Variants in EDA observed in about 807,000 individuals in gnomAD.
EDA encodes ectodysplasin-A.
EDA carries 2 observed loss-of-function variants against 23.6 expected under a neutral mutation model. That is an observed-to-expected ratio of 0.08 (90% CI 0.03 to 0.27). The LOEUF is 0.27. Among genes scored for constraint, EDA ranks in the 10% least tolerant of loss-of-function variants. The pLI is 1.00. For missense variants in EDA, 229 were observed against 324.2 expected (o/e 0.71, Z 2.26); for synonymous variants, 131 against 132.0 (o/e 0.99, Z 0.05).
chrX:69,841,512 CTTTCTTT>C (rs2016894424), intron 1 of EDA, among the ~76,000 whole-genome samples: 1 of 111,397 alleles, frequency 9.0e-6, no homozygotes, highest in Non-Finnish European at 1.9e-5. Context: ...CTATTTCTTT[CTTTCTTT>C]TTTCTTTTTT....
At chrX:69,825,194 A>G in intron 1 of EDA, among the ~76,000 whole-genome samples, 1 of 100,274 alleles carries the variant, frequency 1.0e-5, no homozygotes. Context: ...CTTTGGTATC[A>G]GGATGATGCT....
intron 2 of EDA, among the ~76,000 whole-genome samples, chrX:70,019,798 G>A (rs1023270576): frequency 7.2e-5 from 8 of 111,257 alleles, no homozygotes; most frequent in Admixed American, 1.9e-4. Flanking sequence ...TGGGTACTAC[G>A]TTTATTACCT....
intron 2 of EDA, among the ~76,000 whole-genome samples, chrX:70,003,224 C>A (rs2019762043): frequency 9.0e-6 from 1 of 111,207 alleles, no homozygotes; most frequent in Non-Finnish European, 1.9e-5. Context: ...TATCTCTGGA[C>A]AACTACTCCG....
At chrX:70,023,151 A>G (rs2020059463) in intron 2 of EDA, 67 bp from the exon 3 acceptor site, 5 of 766,147 alleles carry the variant, frequency 6.5e-6, no homozygotes, top group African/African-American at 6.3e-5. Context: ...CCTAGTGACT[A>G]TCTTAGAAAA....
chrX:70,022,220 A>G (rs768783561), intron 2 of EDA, among the ~76,000 whole-genome samples: 1 of 111,990 alleles, frequency 8.9e-6, no homozygotes, highest in Non-Finnish European at 1.9e-5. Flanking sequence ...GGGTTTTCTA[A>G]GTACCTTCAA....
chrX:69,999,195 C>T (rs1218935933), intron 2 of EDA, among the ~76,000 whole-genome samples: 3 of 111,699 alleles, frequency 2.7e-5, no homozygotes, highest in Non-Finnish European at 5.6e-5. Context: ...AAACTGAGGT[C>T]GTGTATGAGT....
At chrX:69,994,324 T>C (rs1319498246) in intron 2 of EDA, among the ~76,000 whole-genome samples, 1 of 112,121 alleles carries the variant, frequency 8.9e-6, no homozygotes, top group East Asian at 2.8e-4. Context: ...CAAATTTACC[T>C]TGTAAAATAA....
Position 69,680,122 on chromosome X carries a change from T to G in EDA, c.396+63418T>G, listed in dbSNP as rs1443043980. Among the ~76,000 whole-genome samples, 51 of 107,835 alleles carry G rather than the reference T, an allele frequency of 4.7e-4. 1 individual carries two copies. The highest frequency in any genetic ancestry group is 1.7e-3 in the African/African-American group (50 of 29,252). 93.6% of individuals were successfully genotyped at this position (107,835 alleles called of 115,157 possible). On this transcript the variant is annotated intron_variant, in intron 1 of 7. Coordinates refer to ENST00000374552, the MANE Select transcript of EDA (RefSeq NM_001399.5). ...GCAGGTTGTTCAGTTTCCATGTAGT[T>G]GAGCGGTTTTGAGTGAGTTTCTGAA...
intron 1 of EDA, among the ~76,000 whole-genome samples, chrX:69,678,397 G>A (rs1934189655): frequency 9.0e-6 from 1 of 111,465 alleles, no homozygotes; most frequent in East Asian, 2.8e-4. Context: ...CATTGAATCT[G>A]TAAATTACCT....
chrX:69,862,788 T>C (rs185227854), intron 1 of EDA, among the ~76,000 whole-genome samples: 1 of 110,976 alleles, frequency 9.0e-6, no homozygotes, highest in Non-Finnish European at 1.9e-5. Context: ...CTGAGTGAAG[T>C]AGAGTAACTA....
At chrX:69,848,540 A>G (rs1286783450) in intron 1 of EDA, among the ~76,000 whole-genome samples, 1 of 110,841 alleles carries the variant, frequency 9.0e-6, no homozygotes, top group East Asian at 2.8e-4. Flanking sequence ...GTTTCTAGCC[A>G]CCTCACTTAC....
chrX:69,685,145 A>G (rs997531129), intron 1 of EDA, among the ~76,000 whole-genome samples: 1 of 112,290 alleles, frequency 8.9e-6, no homozygotes, highest in African/African-American at 3.2e-5. Flanking sequence ...ATGGCTACCC[A>G]GGGAGAGATC....
intron 1 of EDA, among the ~76,000 whole-genome samples, chrX:69,940,916 A>G (rs1167226283): frequency 9.0e-6 from 1 of 111,533 alleles, no homozygotes; most frequent in Non-Finnish European, 1.9e-5. Context: ...ATTGTTATAA[A>G]CTTTCCTCTT....
chrX:69,860,204 T>C (rs1346916582), intron 1 of EDA, among the ~76,000 whole-genome samples: 1 of 111,323 alleles, frequency 9.0e-6, no homozygotes, highest in Non-Finnish European at 1.9e-5. Flanking sequence ...TGTCTTTTAA[T>C]TGGGGTGTTT....
chrX:69,788,247 G>T (rs868404707), intron 1 of EDA, among the ~76,000 whole-genome samples: 1 of 111,890 alleles, frequency 8.9e-6, no homozygotes, highest in African/African-American at 3.3e-5. Context: ...ATTTCCTCCC[G>T]TAGCTCGGAG....
intron 1 of EDA, among the ~76,000 whole-genome samples, chrX:69,830,525 C>T (rs1056017306): frequency 9.0e-6 from 1 of 111,559 alleles, no homozygotes; most frequent in Admixed American, 9.6e-5. Flanking sequence ...ATTAAACTTC[C>T]ATAAATAGTA....
chrX:69,750,907 A>G (rs1305049071), intron 1 of EDA, among the ~76,000 whole-genome samples: 1 of 111,217 alleles, frequency 9.0e-6, no homozygotes, highest in Non-Finnish European at 1.9e-5. Context: ...TAAGTTCTTC[A>G]TAGATTCTGG....
At chrX:69,789,525 G>A (rs187318505) in intron 1 of EDA, among the ~76,000 whole-genome samples, 66 of 111,721 alleles carry the variant, frequency 5.9e-4, no homozygotes, top group African/African-American at 2.1e-3. Context: ...CCGTATCCAC[G>A]GTCACCATTC....
rs1408802812 is a variant in EDA, at chrX:69,849,082, T to C, written c.397-107945T>C. Among the ~76,000 whole-genome samples the C allele has an allele frequency of 4.0e-3, 229 of 57,001 alleles. 2 individuals carry two copies. Among genetic ancestry groups the C allele is most frequent in the Admixed American group, 5.3e-3 (31 of 5,801 alleles). The allele number at this position is 57,001 out of a possible 115,157, so 49.5% of individuals were successfully genotyped here. A position where few individuals can be genotyped will look rare whatever the true frequency, so the allele number is the denominator to read the frequency against. ...TAATATAATGCACACAAAGTCTATA[T>C]ACACACACACACACACACACACACA... On this transcript the variant is annotated intron_variant, in intron 1 of 7. Transcript: ENST00000374552.
Sources: gnomAD v4.1 joint callset for allele counts (sites outside exome capture counted in the v4.1 genomes callset) on GRCh38, gnomAD v4.1.1 for gene constraint, MANE v1.5 for transcripts, NCBI Gene and HGNC (gene_info 2026-07-23, HGNC 2026-07-21) for gene names.